PPM1D: variants seen among roughly 807,000 people sequenced by gnomAD.
PPM1D encodes protein phosphatase 1D.
Under a neutral mutation model 58.3 loss-of-function variants are expected in PPM1D, and 52 were observed. The observed-to-expected ratio is 0.89, with a 90% CI of 0.71 to 1.12. The LOEUF (loss-of-function observed/expected upper bound fraction) is 1.12. Among genes scored for constraint, PPM1D ranks in the 50% most tolerant of loss-of-function variants. PPM1D has a pLI of 0.00. For missense variants in PPM1D, 564 were observed against 777.2 expected, an observed-to-expected ratio of 0.73 and a Z score of 3.26; for synonymous variants, 278 against 285.1, an observed-to-expected ratio of 0.98 and a Z score of 0.25.
At chr17:60,615,018 C>A (rs535806499) in intron 1 of PPM1D, among the ~76,000 whole-genome samples, 1 of 152,144 alleles carries the variant, frequency 6.6e-6, no homozygotes, top group African/African-American at 2.4e-5. Context: ...CTATTTGCAC[C>A]AGGGTATCCT....
intron 4 of PPM1D, among the ~76,000 whole-genome samples, chr17:60,649,893 CCTGGTGTGTTGCATT>C (rs2031313071): frequency 6.6e-6 from 1 of 152,036 alleles, no homozygotes; most frequent in South Asian, 2.1e-4. Context: ...ATGTTCAGGG[CCTGGTGTGTTGCATT>C]TAGTTGGAGA....
chr17:60,659,544 A>G (rs2031493754), intron 5 of PPM1D, among the ~76,000 whole-genome samples: 1 of 152,228 alleles, frequency 6.6e-6, no homozygotes, highest in Admixed American at 6.5e-5. Flanking sequence ...TAAGAACGGA[A>G]TGGGGAAGAG....
At chr17:60,611,966 C>A (rs929057098) in intron 1 of PPM1D, among the ~76,000 whole-genome samples, 1 of 151,452 alleles carries the variant, frequency 6.6e-6, no homozygotes, top group Non-Finnish European at 1.5e-5. Flanking sequence ...TTGTCCTTTA[C>A]CTATGTGCTG....
At chr17:60,631,496 G>A (rs1282849039) in intron 2 of PPM1D, among the ~76,000 whole-genome samples, 2 of 151,726 alleles carry the variant, frequency 1.3e-5, no homozygotes, top group African/African-American at 4.8e-5. Flanking sequence ...AAAATTAGCC[G>A]GGCATTGTGG....
intron 1 of PPM1D, among the ~76,000 whole-genome samples, chr17:60,605,766 G>T (rs1364756767): frequency 6.6e-6 from 1 of 152,124 alleles, no homozygotes; most frequent in Non-Finnish European, 1.5e-5. Flanking sequence ...TTAGCCGCAC[G>T]TGGTGGTGTG....
At chr17:60,661,328 A>T (rs928560612) in intron 5 of PPM1D, among the ~76,000 whole-genome samples, 3 of 151,528 alleles carry the variant, frequency 2.0e-5, no homozygotes, top group African/African-American at 7.3e-5. Context: ...GGCTTTTCAG[A>T]ATCTATTAAT....
chr17:60,602,532 TCCTCGG>T (rs2030237850), intron 1 of PPM1D, among the ~76,000 whole-genome samples: 1 of 151,950 alleles, frequency 6.6e-6, no homozygotes, highest in African/African-American at 2.4e-5. Flanking sequence ...CGATCCTTCC[TCCTCGG>T]CCTCCGAAAG....
chr17:60,649,921 A>G (rs1174782763), intron 4 of PPM1D, among the ~76,000 whole-genome samples: 1 of 152,228 alleles, frequency 6.6e-6, no homozygotes, highest in Admixed American at 6.5e-5. Context: ...GTTGGAGATT[A>G]TCATGTATCA....
At chr17:60,618,693 C>T (rs756770671) in intron 1 of PPM1D, among the ~76,000 whole-genome samples, 5 of 151,902 alleles carry the variant, frequency 3.3e-5, no homozygotes, top group African/African-American at 9.7e-5. Flanking sequence ...GGATGCTTTT[C>T]CTTTGGCGCG....
In PPM1D at chr17:60,623,657, G is replaced by A. The variant is rs1465015736; in HGVS notation, c.609G>A (p.Pro203=). Reference sequence around the variant, plus strand: ...TGGTTCTTGGAATTCAGGATGACCCGAAGGATGACTTTGTCAGAGCTGTGG... The same window carrying A: ...TGGTTCTTGGAATTCAGGATGACCCAAAGGATGACTTTGTCAGAGCTGTGG... ...SGVVLGIQDD[P]KDDFVRAVEV... Residue 203 remains proline, a synonymous_variant, in exon 2 of 6, where the codon CCG becomes CCA. Transcript: ENST00000305921. 1.9e-6 allele frequency: 3 copies of A among 1,614,080 alleles called. No homozygotes were observed. In the African/African-American group the frequency reaches 4.0e-5, roughly 22 times the overall value.
Position 60,663,334 on chromosome 17 carries a change from TTTAAAAG to T in PPM1D, c.1601_1607del (p.Phe534Ter). 1 of 1,614,102 alleles carries T rather than the reference TTTAAAAG, an allele frequency of 6.2e-7. No individual in the cohort carries two copies. The highest frequency in any genetic ancestry group is 8.5e-7 in the Non-Finnish European group (1 of 1,179,982). On this transcript the variant is annotated frameshift_variant, in exon 6 of 6. Transcript: ENST00000305921. LOFTEE classifies it high-confidence loss of function. Reference sequence around the variant, plus strand: ...AATTGAAAGAACCCCTCCAACAAACTTTAAAAGGACATTAGAAGAGTCCAATTCTGGC... The same window carrying T: ...AATTGAAAGAACCCCTCCAACAAACTGACATTAGAAGAGTCCAATTCTGGC...
At chr17:60,635,647 C>G (rs969093766) in intron 3 of PPM1D, among the ~76,000 whole-genome samples, 4 of 152,138 alleles carry the variant, frequency 2.6e-5, no homozygotes, top group Admixed American at 6.6e-5. Flanking sequence ...CTACTTGAGA[C>G]TGAGGTAACT....
At chr17:60,620,086 C>T in intron 1 of PPM1D, among the ~76,000 whole-genome samples, 1 of 152,072 alleles carries the variant, frequency 6.6e-6, no homozygotes, top group Non-Finnish European at 1.5e-5. Flanking sequence ...GTAAACTCCA[C>T]CCCCTGGGTT....
chr17:60,633,429 C>G (rs1168139541), intron 2 of PPM1D, among the ~76,000 whole-genome samples: 1 of 151,850 alleles, frequency 6.6e-6, no homozygotes, highest in Admixed American at 6.6e-5. Flanking sequence ...TTTATTGAGA[C>G]AAGAGTCTCG....
chr17:60,637,915 A>G (rs1242111914), intron 3 of PPM1D, among the ~76,000 whole-genome samples: 1 of 152,246 alleles, frequency 6.6e-6, no homozygotes, highest in Non-Finnish European at 1.5e-5. Context: ...TTCCAGAAAG[A>G]AAGTGTTTCA....
intron 2 of PPM1D, 87 bp downstream of exon 2, chr17:60,623,836 T>C (rs949231084): frequency 7.0e-6 from 9 of 1,287,534 alleles, no homozygotes; most frequent in African/African-American, 1.5e-5. Context: ...CTACTGTCCC[T>C]TTTACTGAAG....
chr17:60,655,875 G>GT (rs1242584014), intron 4 of PPM1D, among the ~76,000 whole-genome samples: 6 of 150,540 alleles, frequency 4.0e-5, no homozygotes, highest in African/African-American at 7.3e-5. Context: ...CTAATTTTTT[G>GT]TTTTTTTAGT....
At position 60,620,481 on chromosome 17, in the gene PPM1D, A is replaced by T. The variant is rs566568189; in HGVS notation, c.473-3040A>T. ...TCCCGTGCAGAAGCCTTTTAGTTTGATGTAGCCCAACTGTTTTTTTCTGCT... is the reference window on the plus strand; with the variant it reads ...TCCCGTGCAGAAGCCTTTTAGTTTGTTGTAGCCCAACTGTTTTTTTCTGCT... On this transcript the variant is annotated intron_variant, in intron 1 of 5. Transcript: ENST00000305921. Among the ~76,000 whole-genome samples the T allele has an allele frequency of 9.6e-4, 146 of 151,652 alleles. 2 individuals are homozygous for T. Among genetic ancestry groups the T allele is most frequent in the African/African-American group, 3.4e-3 (141 of 41,306 alleles).
chr17:60,661,219 C>CAAAA (rs373913706), intron 5 of PPM1D, among the ~76,000 whole-genome samples: 7 of 48,930 alleles, frequency 1.4e-4, no homozygotes, highest in Admixed American at 4.7e-4. Context: ...AACTCCATCT[C>CAAAA]AAAAAAAAAA....
Sources: gnomAD v4.1 joint callset for allele counts (sites outside exome capture counted in the v4.1 genomes callset) on GRCh38, gnomAD v4.1.1 for gene constraint, MANE v1.5 for transcripts, NCBI Gene and HGNC (gene_info 2026-07-23, HGNC 2026-07-21) for gene names.